Variants in LRRC4C observed in about 807,000 individuals in gnomAD.
LRRC4C encodes the protein leucine-rich repeat-containing protein 4C.
A neutral mutation model predicts 33.6 loss-of-function variants in LRRC4C; 5 were observed. The observed-to-expected ratio is 0.15, with a 90% CI of 0.08 to 0.31. The LOEUF (loss-of-function observed/expected upper bound fraction) is 0.31. Among genes scored for constraint, LRRC4C ranks in the 10% least tolerant of loss-of-function variants. The pLI is 1.00. For missense variants in LRRC4C, 560 were observed against 796.7 expected (o/e 0.70, Z 3.58); for synonymous variants, 329 against 302.0 (o/e 1.09, Z -0.93).
chr11:41,346,394 A>AATTCTCACT (rs1951805414), intron 1 of LRRC4C, among the ~76,000 whole-genome samples: 1 of 152,188 alleles, frequency 6.6e-6, no homozygotes, highest in Non-Finnish European at 1.5e-5. Context: ...TCTAACTATG[A>AATTCTCACT]ATTCTCACTA....
At chr11:41,395,464 T>C (rs1953772204) in intron 1 of LRRC4C, among the ~76,000 whole-genome samples, 1 of 152,000 alleles carries the variant, frequency 6.6e-6, no homozygotes, top group South Asian at 2.1e-4. Context: ...GATTGGACCA[T>C]CACTATAATT....
At chr11:41,344,467 G>A (rs915273879) in intron 1 of LRRC4C, among the ~76,000 whole-genome samples, 3 of 152,162 alleles carry the variant, frequency 2.0e-5, no homozygotes, top group South Asian at 2.1e-4. Context: ...TGATCCGCCC[G>A]CCTCGGCCTC....
chr11:40,406,272 T>C (rs1321004850), intron 3 of LRRC4C, among the ~76,000 whole-genome samples: 1 of 152,178 alleles, frequency 6.6e-6, no homozygotes, highest in Non-Finnish European at 1.5e-5. Flanking sequence ...CTAAGTTTAA[T>C]TAATATTTCT....
chr11:40,879,854 T>C (rs1376325452), intron 2 of LRRC4C, among the ~76,000 whole-genome samples: 1 of 152,178 alleles, frequency 6.6e-6, no homozygotes, highest in Non-Finnish European at 1.5e-5. Context: ...TTGATTGTAT[T>C]TTCCAAAGAC....
intron 2 of LRRC4C, among the ~76,000 whole-genome samples, chr11:40,703,061 A>C (rs1386802790): frequency 6.6e-6 from 1 of 152,070 alleles, no homozygotes; most frequent in Non-Finnish European, 1.5e-5. Context: ...TATTAATAGA[A>C]TAATAATATT....
chr11:40,452,754 C>A (rs548943357), intron 3 of LRRC4C, among the ~76,000 whole-genome samples: 1 of 152,250 alleles, frequency 6.6e-6, no homozygotes, highest in African/African-American at 2.4e-5. Context: ...CAGCACTATT[C>A]ACAATAGTAA....
chr11:41,231,845 A>T (rs1947816095), intron 1 of LRRC4C, among the ~76,000 whole-genome samples: 1 of 151,968 alleles, frequency 6.6e-6, no homozygotes, highest in African/African-American at 2.4e-5. Flanking sequence ...ATATACACAC[A>T]TATAGAAAGA....
intron 2 of LRRC4C, among the ~76,000 whole-genome samples, chr11:40,664,515 A>G (rs999333082): frequency 6.6e-6 from 1 of 151,552 alleles, no homozygotes; most frequent in Non-Finnish European, 1.5e-5. Context: ...ACTTCACTCC[A>G]GCCTGAGCGA....
intron 1 of LRRC4C, among the ~76,000 whole-genome samples, chr11:41,214,741 C>A (rs905942824): frequency 6.8e-6 from 1 of 146,354 alleles, no homozygotes; most frequent in Non-Finnish European, 1.5e-5. Flanking sequence ...CAGAGCCAGA[C>A]TCCATCTCAA....
At chr11:41,054,568 A>G (rs1304941403) in intron 1 of LRRC4C, among the ~76,000 whole-genome samples, 1 of 152,246 alleles carries the variant, frequency 6.6e-6, no homozygotes, top group Non-Finnish European at 1.5e-5. Context: ...AGTACTTTGA[A>G]GAAGATTGAA....
intron 2 of LRRC4C, among the ~76,000 whole-genome samples, chr11:40,713,442 G>T (rs1591531886): frequency 6.6e-6 from 1 of 152,124 alleles, no homozygotes; most frequent in East Asian, 1.9e-4. Context: ...GGAAAACTCA[G>T]GAGATATGCA....
intron 4 of LRRC4C, chr11:40,294,133 T>G (rs917862568): frequency 6.6e-6 from 1 of 152,572 alleles, no homozygotes; most frequent in Non-Finnish European, 1.5e-5. Context: ...TCCTTTCCCT[T>G]TCTCTGCTTG....
chr11:40,431,818 T>G (rs1286735709), intron 3 of LRRC4C, among the ~76,000 whole-genome samples: 1 of 152,228 alleles, frequency 6.6e-6, no homozygotes, highest in Non-Finnish European at 1.5e-5. Flanking sequence ...ATTGAATATG[T>G]GTAGAGTTGG....
intron 3 of LRRC4C, among the ~76,000 whole-genome samples, chr11:40,398,401 C>CT (rs1949626619): frequency 6.6e-6 from 1 of 151,822 alleles, no homozygotes; most frequent in African/African-American, 2.4e-5. Context: ...GAGACTATAC[C>CT]TGCCTGAGTT....
In LRRC4C at chr11:40,919,315, T is replaced by C. The variant is rs994563966; in HGVS notation, c.-407+14320A>G. Among the ~76,000 whole-genome samples the C allele has an allele frequency of 3.3e-5, 5 of 152,140 alleles. No individual in the cohort carries two copies. In the South Asian group the frequency reaches 6.2e-4, roughly 19 times the overall value. On this transcript the variant is annotated intron_variant, in intron 2 of 6. Coordinates refer to ENST00000528697, the MANE Select transcript of LRRC4C (RefSeq NM_001258419.2). ...ACCTTCTAACTTTTAAAGTCGTGCA[T>C]GTAAATCTTTTTTAAGCCTCACTTT...
chr11:40,155,372 ATGAAAT>A (rs1858599228), intron 5 of LRRC4C, among the ~76,000 whole-genome samples: 1 of 152,040 alleles, frequency 6.6e-6, no homozygotes, highest in Non-Finnish European at 1.5e-5. Flanking sequence ...GCAGAACTAA[ATGAAAT>A]TGAAATTAAA....
intron 1 of LRRC4C, among the ~76,000 whole-genome samples, chr11:41,319,754 T>G (rs1950901526): frequency 6.6e-6 from 1 of 152,136 alleles, no homozygotes; most frequent in African/African-American, 2.4e-5. Flanking sequence ...TCTTCCTATG[T>G]TGCCAAGGCT....
chr11:40,574,982 C>T (rs1391239819), intron 3 of LRRC4C, among the ~76,000 whole-genome samples: 1 of 152,142 alleles, frequency 6.6e-6, no homozygotes, highest in Non-Finnish European at 1.5e-5. Flanking sequence ...TGTATGGGCA[C>T]ATCCTGTTGG....
At chr11:40,716,931 G>A (rs1218117814) in intron 2 of LRRC4C, among the ~76,000 whole-genome samples, 5 of 152,094 alleles carry the variant, frequency 3.3e-5, no homozygotes, top group South Asian at 2.1e-4. Flanking sequence ...GTAGGGAATC[G>A]GAGCTGCCAC....
Sources: gnomAD v4.1 joint callset for allele counts (sites outside exome capture counted in the v4.1 genomes callset) on GRCh38, gnomAD v4.1.1 for gene constraint, MANE v1.5 for transcripts, NCBI Gene and HGNC (gene_info 2026-07-23, HGNC 2026-07-21) for gene names.